EHMT1: variants seen among roughly 807,000 people sequenced by gnomAD.
The protein encoded by EHMT1 is euchromatic histone lysine methyltransferase 1.
In EHMT1, 15 loss-of-function variants were observed where a neutral mutation model predicts 147.2. The observed-to-expected ratio is 0.10, with a 90% CI of 0.07 to 0.16. EHMT1 has a LOEUF of 0.16. Among genes scored for constraint, EHMT1 ranks in the 10% least tolerant of loss-of-function variants. EHMT1 has a pLI of 1.00. For synonymous variants in EHMT1, 795 were observed against 709.6 expected, an observed-to-expected ratio of 1.12 and a Z score of -1.91; for missense variants, 1,587 against 1,772.4, an observed-to-expected ratio of 0.90 and a Z score of 1.88.
chr9:137,810,417 C>G (rs920499599), intron 18 of EHMT1, among the ~76,000 whole-genome samples: 4 of 152,220 alleles, frequency 2.6e-5, no homozygotes, highest in Non-Finnish European at 5.9e-5. Context: ...TTCCTCATTC[C>G]GTTTATCGCT....
chr9:137,803,023 C>T (rs1252674401), intron 18 of EHMT1: 14 of 1,231,352 alleles, frequency 1.1e-5, no homozygotes, highest in Non-Finnish European at 1.3e-5. Context: ...GGGGCCACCT[C>T]ACCCACCGCC....
At chr9:137,669,392 C>CGG in intron 1 of EHMT1, among the ~76,000 whole-genome samples, 1 of 117,726 alleles carries the variant, frequency 8.5e-6, no homozygotes, top group Non-Finnish European at 1.8e-5. Context: ...CCACCCAAGA[C>CGG]GCCCCCCACA....
intron 1 of EHMT1, among the ~76,000 whole-genome samples, chr9:137,678,818 T>C (rs1941655350): frequency 6.7e-6 from 1 of 148,878 alleles, no homozygotes; most frequent in South Asian, 2.1e-4. Flanking sequence ...CAGATGGGCA[T>C]TGGTTACAGG....
intron 25 of EHMT1, 66 bp downstream of exon 25, chr9:137,818,204 C>A: frequency 1.9e-6 from 3 of 1,545,812 alleles, no homozygotes; most frequent in South Asian, 1.1e-5. Context: ...ATGTGTTTGT[C>A]CCAGTAGGGC....
chr9:137,812,837 G>C (rs1954604429), intron 19 of EHMT1, among the ~76,000 whole-genome samples, 169 bp from the exon 20 acceptor site: 1 of 152,262 alleles, frequency 6.6e-6, no homozygotes, highest in Non-Finnish European at 1.5e-5. Context: ...TCCTGGGTGA[G>C]CTAAAGCCCG....
At chr9:137,765,552 T>C (rs571809609) in intron 10 of EHMT1, among the ~76,000 whole-genome samples, 156 of 152,226 alleles carry the variant, frequency 1.0e-3, no homozygotes, top group Non-Finnish European at 1.6e-3. Flanking sequence ...CCGAAGACCA[T>C]ACAAAACAAA....
intron 1 of EHMT1, among the ~76,000 whole-genome samples, chr9:137,708,398 CCTT>C (rs1439919469): frequency 1.3e-5 from 2 of 152,204 alleles, no homozygotes; most frequent in Admixed American, 6.5e-5. Context: ...GTGCCAATGA[CCTT>C]CTTCCTCTGT....
intron 1 of EHMT1, among the ~76,000 whole-genome samples, chr9:137,629,424 C>T (rs529790673): frequency 5.4e-5 from 8 of 147,582 alleles, no homozygotes; most frequent in Admixed American, 2.7e-4. Context: ...AATGGAGTCT[C>T]GCTCTGTTGC....
intron 2 of EHMT1, among the ~76,000 whole-genome samples, chr9:137,711,243 T>C (rs1033998196): frequency 2.6e-5 from 4 of 152,200 alleles, no homozygotes; most frequent in Non-Finnish European, 5.9e-5. Context: ...TGTCAAAGTA[T>C]GAAAAGCAAA....
chr9:137,749,500 A>G (rs1339785665), intron 6 of EHMT1, among the ~76,000 whole-genome samples: 4 of 151,808 alleles, frequency 2.6e-5, no homozygotes, highest in Admixed American at 6.6e-5. Context: ...GCCTCTCACT[A>G]TGTTGCCCAG....
intron 10 of EHMT1, among the ~76,000 whole-genome samples, chr9:137,774,526 A>G (rs1251713556): frequency 6.5e-4 from 39 of 60,352 alleles, no homozygotes; most frequent in Middle Eastern, 0.014. Flanking sequence ...GATCTGGTGG[A>G]TGTGGTCGCG....
At chr9:137,727,885 T>G (rs1210050716) in intron 3 of EHMT1, among the ~76,000 whole-genome samples, 4 of 152,276 alleles carry the variant, frequency 2.6e-5, no homozygotes, top group Admixed American at 1.3e-4. Flanking sequence ...TTGGGGATGT[T>G]GCAAACTGTA....
At chr9:137,729,433 A>G (rs1014454254) in intron 4 of EHMT1, among the ~76,000 whole-genome samples, 24 of 152,114 alleles carry the variant, frequency 1.6e-4, no homozygotes, top group African/African-American at 5.3e-4. Context: ...CTAAAAATAA[A>G]AAAATTAGCC....
At chr9:137,774,370 ACGCCTGGCTCCCTGGATCTGGTGAG>A (rs1950791310) in intron 10 of EHMT1, among the ~76,000 whole-genome samples, 7 of 139,400 alleles carry the variant, frequency 5.0e-5, no homozygotes, top group South Asian at 2.3e-4. Context: ...GGGTGTGGGC[ACGCCTGGCTCCCTGGATCTGGTGAG>A]TGTGGTCGCG....
intron 13 of EHMT1, among the ~76,000 whole-genome samples, chr9:137,778,640 C>G (rs908157156): frequency 6.6e-6 from 1 of 152,152 alleles, no homozygotes; most frequent in African/African-American, 2.4e-5. Flanking sequence ...AGGCCCTGCT[C>G]GCTGACCAGA....
At position 137,813,239 on chromosome 9, in the gene EHMT1, T is replaced by C. The variant is rs542241845; in HGVS notation, c.3035+66T>C. Reference sequence around the variant, plus strand: ...TCAGCAGGGCTTTGGGAACTTGCGGTGAAAGCTGCTCCTGAAGCCGAAACA... The same window carrying C: ...TCAGCAGGGCTTTGGGAACTTGCGGCGAAAGCTGCTCCTGAAGCCGAAACA... On this transcript the variant is annotated intron_variant, in intron 20 of 26. Coordinates refer to ENST00000460843, the MANE Select transcript of EHMT1 (RefSeq NM_024757.5). The surrounding 1 kb of genome is among the most constrained non-coding windows in gnomAD (Gnocchi z 4.9). The C allele has an allele frequency of 1.2e-4, 197 of 1,583,308 alleles. No individual in the cohort carries two copies. The highest frequency in any genetic ancestry group is 6.0e-4 in the African/African-American group (45 of 74,686).
chr9:137,754,013 G>C (rs541124814), intron 7 of EHMT1, among the ~76,000 whole-genome samples, 158 bp from the exon 8 acceptor site: 11 of 152,304 alleles, frequency 7.2e-5, no homozygotes, highest in African/African-American at 2.4e-4. Context: ...GCCTTTAAGC[G>C]TGTGACCCAG....
intron 2 of EHMT1, chr9:137,715,652 C>T (rs767126169): frequency 1.5e-4 from 144 of 985,272 alleles, no homozygotes; most frequent in Middle Eastern, 5.2e-4. Flanking sequence ...GTGTCAATCT[C>T]GTGATGTAAA....
intron 1 of EHMT1, among the ~76,000 whole-genome samples, chr9:137,662,776 TTTTATTTATTTA>T (rs150295245): frequency 5.2e-4 from 70 of 134,108 alleles, no homozygotes; most frequent in South Asian, 7.2e-4. Context: ...CTGGCCTGAA[TTTTATTTATTTA>T]TTTATTTATT....
Sources: gnomAD v4.1 joint callset for allele counts (sites outside exome capture counted in the v4.1 genomes callset) on GRCh38, gnomAD v4.1.1 for gene constraint, Gnocchi (gnomAD v3.1) non-coding constraint, MANE v1.5 for transcripts, NCBI Gene and HGNC (gene_info 2026-07-23, HGNC 2026-07-21) for gene names.